GRIA1: variants seen among roughly 807,000 people sequenced by gnomAD.
GRIA1 encodes glutamate receptor 1.
Under a neutral mutation model 99.2 loss-of-function variants are expected in GRIA1, and 31 were observed. That is an observed-to-expected ratio of 0.31 (90% CI 0.23 to 0.42). The LOEUF (loss-of-function observed/expected upper bound fraction) is 0.42, where lower values mean the gene tolerates loss of function less well. Ranked by LOEUF, GRIA1 falls within the 10% of genes least tolerant of loss-of-function variation. GRIA1 has a pLI of 1.00. For synonymous variants in GRIA1, 438 were observed against 432.4 expected (o/e 1.01, Z -0.16); for missense variants, 782 against 1,157.5 (o/e 0.68, Z 4.71).
chr5:153,789,606 A>G (rs916132274), intron 13 of GRIA1, among the ~76,000 whole-genome samples: 3 of 152,186 alleles, frequency 2.0e-5, no homozygotes, highest in African/African-American at 7.2e-5. Flanking sequence ...AGTCTGTAAA[A>G]TCATTTCCAG....
intron 5 of GRIA1, among the ~76,000 whole-genome samples, chr5:153,664,105 G>A (rs1267583272): frequency 6.6e-6 from 1 of 152,190 alleles, no homozygotes; most frequent in Non-Finnish European, 1.5e-5. Flanking sequence ...GAAGAGTCTG[G>A]TCCTTGTTTC....
At chr5:153,769,065 A>G (rs1763708837) in intron 12 of GRIA1, among the ~76,000 whole-genome samples, 2 of 152,210 alleles carry the variant, frequency 1.3e-5, no homozygotes, top group South Asian at 4.1e-4. Context: ...ACATTCCCTC[A>G]GGTAGCTTCC....
intron 8 of GRIA1, among the ~76,000 whole-genome samples, chr5:153,686,546 T>A (rs10075497): frequency 0.17 from 25,788 of 152,118 alleles, 2,474 homozygotes; most frequent in African/African-American, 0.25. Context: ...CAAAATTAAG[T>A]TTAAAAAAAT....
chr5:153,794,766 G>T (rs1266426854), intron 14 of GRIA1, 31 bp downstream of exon 14: 1 of 1,318,154 alleles, frequency 7.6e-7, no homozygotes, highest in Non-Finnish European at 1.1e-6. Context: ...AAAAAACCTA[G>T]TGGGTATGAA....
At chr5:153,760,140 G>A (rs986318816) in intron 11 of GRIA1, among the ~76,000 whole-genome samples, 28 of 151,932 alleles carry the variant, frequency 1.8e-4, no homozygotes, top group African/African-American at 4.3e-4. Context: ...GGAACTAGAC[G>A]AGGATGGCCA....
intron 15 of GRIA1, among the ~76,000 whole-genome samples, chr5:153,803,024 GGAGAA>G (rs1307479796): frequency 6.6e-6 from 1 of 152,166 alleles, no homozygotes; most frequent in South Asian, 2.1e-4. Context: ...AACGGGAACT[GGAGAA>G]GAGAACTGTG....
At chr5:153,636,261 G>A (rs528955267) in intron 2 of GRIA1, among the ~76,000 whole-genome samples, 5 of 152,230 alleles carry the variant, frequency 3.3e-5, no homozygotes, top group African/African-American at 1.2e-4. Flanking sequence ...ATTCACAACA[G>A]AAAATGAATG....
chr5:153,646,537 C>A (rs1010864264), intron 2 of GRIA1, among the ~76,000 whole-genome samples: 7 of 152,140 alleles, frequency 4.6e-5, no homozygotes, highest in Non-Finnish European at 7.3e-5. Flanking sequence ...CCCAGTCATC[C>A]CTTTCTAGCC....
intron 11 of GRIA1, among the ~76,000 whole-genome samples, chr5:153,745,452 G>A (rs1047992708): frequency 1.5e-4 from 23 of 151,930 alleles, no homozygotes; most frequent in African/African-American, 5.6e-4. Flanking sequence ...AGCTGGGTGT[G>A]GTTGTGCATG....
chr5:153,493,862 G>A (rs1335795230), intron 1 of GRIA1, 66 bp from the exon 2 acceptor site: 1 of 1,515,308 alleles, frequency 6.6e-7, no homozygotes, highest in African/African-American at 1.4e-5. Context: ...CTCATCTGGA[G>A]TGAGTCGTGA....
intron 8 of GRIA1, among the ~76,000 whole-genome samples, chr5:153,693,983 G>A (rs550215443): frequency 1.5e-4 from 23 of 152,304 alleles, no homozygotes; most frequent in Non-Finnish European, 2.8e-4. Flanking sequence ...GCATGAGGCT[G>A]AGTATCACTC....
chr5:153,787,011 G>A (rs912122237), intron 13 of GRIA1, among the ~76,000 whole-genome samples: 2 of 152,162 alleles, frequency 1.3e-5, no homozygotes, highest in Admixed American at 6.5e-5. Context: ...GGTTTCGAAG[G>A]CAAAAGTGGA....
intron 2 of GRIA1, among the ~76,000 whole-genome samples, chr5:153,549,294 T>C (rs1759901416): frequency 6.6e-6 from 1 of 152,220 alleles, no homozygotes; most frequent in Non-Finnish European, 1.5e-5. Flanking sequence ...TTTTCAGGTT[T>C]GAAACAGAGC....
intron 11 of GRIA1, among the ~76,000 whole-genome samples, chr5:153,754,957 G>A (rs551672318): frequency 6.6e-5 from 10 of 152,262 alleles, no homozygotes; most frequent in Admixed American, 1.3e-4. Flanking sequence ...TGAGTCTTAC[G>A]GCTGAATACT....
intron 13 of GRIA1, among the ~76,000 whole-genome samples, chr5:153,774,865 T>C (rs1160829320): frequency 6.6e-6 from 1 of 152,236 alleles, no homozygotes; most frequent in African/African-American, 2.4e-5. Flanking sequence ...GGCTTTTGTT[T>C]ATTTGTTTGT....
intron 2 of GRIA1, among the ~76,000 whole-genome samples, chr5:153,558,584 C>T (rs1760853371): frequency 1.3e-5 from 2 of 151,914 alleles, no homozygotes; most frequent in Admixed American, 1.3e-4. Flanking sequence ...CTTTTTATTG[C>T]TGAGCAAATT....
At chr5:153,623,761 C>T (rs1400306078) in intron 2 of GRIA1, among the ~76,000 whole-genome samples, 6 of 152,124 alleles carry the variant, frequency 3.9e-5, no homozygotes, top group African/African-American at 4.8e-5. Context: ...ATGCATTCAA[C>T]ATGCATAATG....
At chr5:153,804,044 C>T (rs1766239059) in intron 15 of GRIA1, among the ~76,000 whole-genome samples, 1 of 152,164 alleles carries the variant, frequency 6.6e-6, no homozygotes, top group East Asian at 1.9e-4. Flanking sequence ...CATACTTTCG[C>T]CCCCACCTCA....
intron 11 of GRIA1, among the ~76,000 whole-genome samples, chr5:153,756,370 G>T (rs1762827461): frequency 2.0e-5 from 3 of 152,208 alleles, no homozygotes; most frequent in South Asian, 4.1e-4. Context: ...CTGTGCCACA[G>T]TGGATCCTGA....
Sources: gnomAD v4.1 joint callset for allele counts (sites outside exome capture counted in the v4.1 genomes callset) on GRCh38, gnomAD v4.1.1 for gene constraint, MANE v1.5 for transcripts, NCBI Gene and HGNC (gene_info 2026-07-23, HGNC 2026-07-21) for gene names.